The following FAM3D variants were observed in gnomAD, a reference collection of about 807,000 sequenced individuals.
The protein encoded by FAM3D is protein FAM3D.
FAM3D carries 26 observed loss-of-function variants against 29.8 expected under a neutral mutation model. The observed-to-expected ratio is 0.87, with a 90% confidence interval of 0.64 to 1.21. FAM3D has a LOEUF of 1.21. FAM3D is among the 50% of genes most tolerant of loss of function. The probability of loss-of-function intolerance (pLI) is 0.00; values close to 1 mark genes in which losing one functional copy is unlikely to be tolerated. For synonymous variants in FAM3D, 115 were observed against 102.3 expected, an observed-to-expected ratio of 1.12 and a Z score of -0.75; for missense variants, 253 against 290.9, an observed-to-expected ratio of 0.87 and a Z score of 0.95.
chr3:58,665,835 A>G (rs1329471331), intron 1 of FAM3D, among the ~76,000 whole-genome samples: 4 of 152,256 alleles, frequency 2.6e-5, no homozygotes, highest in Non-Finnish European at 5.9e-5. Flanking sequence ...CACTTAGCAC[A>G]TCATACATGT....
chr3:58,633,976 G>C lies in FAM3D; in HGVS notation c.*303C>G. 1 of 352,908 alleles carries C rather than the reference G, an allele frequency of 2.8e-6. No homozygotes were observed. The allele number at this position is 352,908 out of a possible 1,614,324, so 21.9% of individuals were successfully genotyped here. ...AACCAGCAAAAATAAAATTTAATTG[G>C]GCTCAAGTCTGGGCAGTTTGTCCTT... On this transcript the variant is annotated 3_prime_UTR_variant, in exon 10 of 10. Transcript: ENST00000358781.
In FAM3D at chr3:58,653,758, T is replaced by A. The variant is rs780113389; in HGVS notation, c.37A>T (p.Ile13Phe). The change falls in exon 3 of 10, where the codon ATC becomes TTC. Residue 13 changes from isoleucine (I) to phenylalanine (F), a missense_variant. Ile to Phe is a conservative substitution (Grantham distance 21). Coordinates refer to ENST00000358781, the MANE Select transcript of FAM3D (RefSeq NM_138805.3). ...ATCCATGTCGTGACTATGGCAAAGATGAGGGCCAGGAGGCGAAGCACACCT... is the reference window on the plus strand; with the variant it reads ...ATCCATGTCGTGACTATGGCAAAGAAGAGGGCCAGGAGGCGAAGCACACCT... ...VSGVLRLLAL[I>F]FAIVTTWMFI... 2 of 1,613,936 alleles carry A rather than the reference T, an allele frequency of 1.2e-6. No individual in the cohort carries two copies. Among genetic ancestry groups the A allele is most frequent in the Non-Finnish European group, 1.7e-6 (2 of 1,180,024 alleles).
chr3:58,659,359 G>T (rs751350700), intron 1 of FAM3D, among the ~76,000 whole-genome samples: 27 of 152,198 alleles, frequency 1.8e-4, no homozygotes, highest in Non-Finnish European at 2.5e-4. Flanking sequence ...TACAGGAGCC[G>T]GGATGTCAGC....
intron 1 of FAM3D, among the ~76,000 whole-genome samples, chr3:58,665,727 C>T (rs2067017318): frequency 6.6e-6 from 1 of 152,230 alleles, no homozygotes; most frequent in African/African-American, 2.4e-5. Flanking sequence ...GTTATTAAAT[C>T]TCTCACTGCC....
intron 4 of FAM3D, 36 bp downstream of exon 4, chr3:58,649,279 A>G: frequency 6.2e-7 from 1 of 1,603,754 alleles, no homozygotes; most frequent in Non-Finnish European, 8.5e-7. Context: ...TGAGTGGATG[A>G]GGTCGGGGGA....
chr3:58,664,264 T>C (rs2066987888), intron 1 of FAM3D, among the ~76,000 whole-genome samples: 1 of 152,222 alleles, frequency 6.6e-6, no homozygotes, highest in Admixed American at 6.5e-5. Flanking sequence ...ACCCTCCATA[T>C]GCGTTGCCCA....
intron 4 of FAM3D, among the ~76,000 whole-genome samples, chr3:58,648,272 C>G (rs1285138510): frequency 6.6e-6 from 1 of 152,156 alleles, no homozygotes; most frequent in Non-Finnish European, 1.5e-5. Context: ...TTGTCTTTGC[C>G]TTCTGTAATC....
At chr3:58,658,515 C>T (rs1179378546) in intron 1 of FAM3D, among the ~76,000 whole-genome samples, 1 of 152,144 alleles carries the variant, frequency 6.6e-6, no homozygotes, top group Non-Finnish European at 1.5e-5. Context: ...GAATACGGTT[C>T]TCCTATTTCT....
chr3:58,636,156 T>A (rs1225590208), intron 9 of FAM3D, 138 bp downstream of exon 9: 1 of 1,367,558 alleles, frequency 7.3e-7, no homozygotes. Context: ...GCCTTTGGAG[T>A]GAATGACAGC....
chr3:58,662,837 G>A (rs939992223), intron 1 of FAM3D, among the ~76,000 whole-genome samples: 2 of 152,204 alleles, frequency 1.3e-5, no homozygotes, highest in Non-Finnish European at 2.9e-5. Context: ...TCTATCTCTG[G>A]GTTGCAGAGA....
intron 5 of FAM3D, among the ~76,000 whole-genome samples, 198 bp from the exon 6 acceptor site, chr3:58,643,918 G>A (rs541944285): frequency 1.3e-5 from 2 of 152,326 alleles, no homozygotes; most frequent in East Asian, 3.9e-4. Context: ...CTCAAGGCAT[G>A]TTGGACCAGA....
At chr3:58,660,117 C>CA (rs1415909514) in intron 1 of FAM3D, among the ~76,000 whole-genome samples, 7 of 152,090 alleles carry the variant, frequency 4.6e-5, no homozygotes, top group Non-Finnish European at 8.8e-5. Context: ...CTGAGGGAGA[C>CA]AGACTTCAAA....
At chr3:58,661,506 C>G (rs1054399167) in intron 1 of FAM3D, among the ~76,000 whole-genome samples, 1 of 152,214 alleles carries the variant, frequency 6.6e-6, no homozygotes, top group African/African-American at 2.4e-5. Flanking sequence ...GTGCCACGCT[C>G]AGTACCTGGC....
chr3:58,639,242 T>G (rs574197495), intron 7 of FAM3D, among the ~76,000 whole-genome samples: 11 of 152,168 alleles, frequency 7.2e-5, no homozygotes, highest in Non-Finnish European at 1.6e-4. Flanking sequence ...TAACATAGCT[T>G]GCCTGGACCC....
chr3:58,662,861 G>A (rs1292529501), intron 1 of FAM3D, among the ~76,000 whole-genome samples: 5 of 152,210 alleles, frequency 3.3e-5, no homozygotes, highest in South Asian at 2.1e-4. Flanking sequence ...GGTCAGACAC[G>A]GGCTGGTGGC....
intron 1 of FAM3D, among the ~76,000 whole-genome samples, chr3:58,660,347 A>C (rs893816623): frequency 6.6e-6 from 1 of 152,082 alleles, no homozygotes; most frequent in Non-Finnish European, 1.5e-5. Context: ...CATCACCCCC[A>C]AAAGCCATCC....
At chr3:58,642,560 G>A (rs1299748868) in intron 6 of FAM3D, among the ~76,000 whole-genome samples, 1 of 152,172 alleles carries the variant, frequency 6.6e-6, no homozygotes, top group Admixed American at 6.5e-5. Context: ...GAGGCAGAGA[G>A]GAGGTCTGGC....
chr3:58,654,165 A>T (rs554667117), intron 2 of FAM3D, among the ~76,000 whole-genome samples: 2 of 152,274 alleles, frequency 1.3e-5, no homozygotes, highest in South Asian at 4.1e-4. Context: ...CTGGGAGGGG[A>T]GCCCTGGAAA....
At chr3:58,655,732 T>C (rs2066776094) in intron 1 of FAM3D, 131 bp from the exon 2 acceptor site, 2 of 675,410 alleles carry the variant, frequency 3.0e-6, no homozygotes, top group Admixed American at 5.9e-5. Context: ...CCACCTGCCA[T>C]ATGAACAAGA....
Sources: gnomAD v4.1 joint callset for allele counts (sites outside exome capture counted in the v4.1 genomes callset) on GRCh38, gnomAD v4.1.1 for gene constraint, MANE v1.5 for transcripts, NCBI Gene and HGNC (gene_info 2026-07-23, HGNC 2026-07-21) for gene names.